KRT73: variants seen among roughly 807,000 people sequenced by gnomAD.
KRT73 encodes keratin, type II cytoskeletal 73.
In KRT73, 44 loss-of-function variants were observed where a neutral mutation model predicts 47.2. The ratio of observed to expected loss-of-function variants is 0.93; its 90% CI spans 0.73 to 1.20. The LOEUF (loss-of-function observed/expected upper bound fraction) is 1.20, where lower values mean the gene tolerates loss of function less well. KRT73 is among the 50% of genes most tolerant of loss of function. The pLI is 0.00. For synonymous variants in KRT73, 285 were observed against 291.3 expected (o/e 0.98, Z 0.22); for missense variants, 713 against 704.5 (o/e 1.01, Z -0.14).
chr12:52,608,269 C>T lies in KRT73; in HGVS notation c.1550G>A (p.Ser517Asn), dbSNP rs1296287836. 1 of 1,614,092 alleles carries T rather than the reference C, an allele frequency of 6.2e-7. No homozygotes were observed. Among genetic ancestry groups the T allele is most frequent in the Non-Finnish European group, 8.5e-7 (1 of 1,180,030 alleles). The change falls in exon 9 of 9, where the codon AGT becomes AAT. Residue 517 changes from serine (S) to asparagine (N), a missense_variant. Transcript: ENST00000305748. ...CTGGGAGTCCCTGAATTCACTTGCA[C>T]TCCCCAGCCTGGTCCTGGCTTCCCC... The part of the protein sequence containing the change: ...PRGEARTRLG[S>N]ASEFRDSQGK...
Position 52,618,237 on chromosome 12 carries a change from C to T in KRT73, c.288G>A (p.Pro96=), listed in dbSNP as rs146014393. 27 of 1,614,046 alleles carry T rather than the reference C, an allele frequency of 1.7e-5. No individual in the cohort carries two copies. Among genetic ancestry groups the T allele is most frequent in the Admixed American group, 1.3e-4 (8 of 60,012 alleles). ...FGSVALGSVC[P]SLCPPGGIHQ... is the part of the protein sequence containing the mutation. ...GGATACCCCCGGGCGGGCACAACGA[C>T]GGACACACGGACCCCAAGGCCACAC... The change falls in exon 1 of 9, where the codon CCG becomes CCA. Residue 96 remains proline, a synonymous_variant. Coordinates refer to ENST00000305748, the MANE Select transcript of KRT73 (RefSeq NM_175068.3).
chr12:52,615,265 T>C lies in KRT73; in HGVS notation c.723+14A>G, dbSNP rs767205770. The C allele has an allele frequency of 7.4e-6, 12 of 1,612,206 alleles. No homozygotes were observed. The stretch of plus-strand genomic sequence containing the variant: ...CTGCTGGGGGACTGAAGGGAACCCA[T>C]GCACCCTCCTCACCTTCTTAAGCAC... On this transcript the variant is annotated intron_variant, in intron 3 of 8. Transcript: ENST00000305748.
chr12:52,612,108 C>T (rs1940715288), intron 5 of KRT73, among the ~76,000 whole-genome samples: 1 of 152,210 alleles, frequency 6.6e-6, no homozygotes, highest in African/African-American at 2.4e-5. Flanking sequence ...AATGAGTGAG[C>T]CAATGAGCTG....
At chr12:52,623,548 G>T (rs1160907143), upstream of KRT73, among the ~76,000 whole-genome samples, 1 of 152,060 alleles carries the variant, frequency 6.6e-6, no homozygotes, top group Non-Finnish European at 1.5e-5. Flanking sequence ...GAAAAAACAT[G>T]ATAATTTTTA....
chr12:52,615,556 T>C (rs1940798271), intron 2 of KRT73, among the ~76,000 whole-genome samples: 1 of 152,194 alleles, frequency 6.6e-6, no homozygotes. Context: ...GTTTGAGGTC[T>C]GATTTCCTCT....
At chr12:52,616,402 C>T in intron 1 of KRT73, 22 bp from the exon 2 acceptor site, 1 of 1,613,608 alleles carries the variant, frequency 6.2e-7, no homozygotes, top group Non-Finnish European at 8.5e-7. Flanking sequence ...GCCACACATA[C>T]TTAAGCAATG....
At chr12:52,630,330 G>A in the KRT73 span, among the ~76,000 whole-genome samples, 15 of 152,170 alleles carry the variant, frequency 9.9e-5, no homozygotes, top group African/African-American at 3.6e-4. Context: ...CCACCTGCAC[G>A]CCTGGCCCTC....
upstream of KRT73, among the ~76,000 whole-genome samples, chr12:52,619,877 T>G (rs637276): frequency 2.0e-5 from 3 of 152,080 alleles, no homozygotes; most frequent in African/African-American, 4.8e-5. Context: ...AGTACTTGAA[T>G]GAACAGTTGG....
chr12:52,610,421 C>A (rs1940670602), intron 7 of KRT73, 194 bp downstream of exon 7: 4 of 633,932 alleles, frequency 6.3e-6, no homozygotes, highest in Non-Finnish European at 1.1e-5. Context: ...CTAAGACTTT[C>A]TCCAAAGAGT....
At chr12:52,608,490 C>T in intron 8 of KRT73, 38 bp from the exon 9 acceptor site, 1 of 1,547,122 alleles carries the variant, frequency 6.5e-7, no homozygotes, top group East Asian at 2.3e-5. Flanking sequence ...AGTGTATATC[C>T]CAGGACAGAG....
At chr12:52,626,446 T>A in the KRT73 span, among the ~76,000 whole-genome samples, 1 of 151,736 alleles carries the variant, frequency 6.6e-6, no homozygotes, top group African/African-American at 2.4e-5. Flanking sequence ...GGAGAGTTTC[T>A]TAAACTTCCT....
intron 7 of KRT73, 80 bp downstream of exon 7, chr12:52,610,529 GCCCCCT>G: frequency 1.0e-5 from 3 of 295,156 alleles, no homozygotes; most frequent in Non-Finnish European, 2.0e-5. Context: ...CCAGCTCGCC[GCCCCCT>G]CCCCCCCGCC....
At position 52,614,603 on chromosome 12, in the gene KRT73, C is replaced by T; in HGVS notation, c.795G>A (p.Lys265=). The T allele has an allele frequency of 6.2e-7, 1 of 1,613,996 alleles. No homozygotes were observed. Among genetic ancestry groups the T allele is most frequent in the South Asian group, 1.1e-5 (1 of 91,050 alleles). The change falls in exon 4 of 9, where the codon AAG becomes AAA. Residue 265 remains lysine (K), a synonymous_variant. Transcript: ENST00000305748. ...AKVDALDGEI[K]FFKCLYEGET... is the part of the protein sequence containing the mutation. ...CCCCCTCGTACAGACACTTGAAGAA[C>T]TTGATTTCTCCATCCAGGGCATCCA... is the stretch of plus-strand genomic sequence containing the variant.
At chr12:52,614,348 T>G in intron 4 of KRT73, 1 of 495,878 alleles carries the variant, frequency 2.0e-6, no homozygotes, top group South Asian at 3.1e-5. Context: ...TGGGAACCCT[T>G]TAAGGACTCT....
the KRT73 span, among the ~76,000 whole-genome samples, chr12:52,624,272 G>C: frequency 6.6e-6 from 1 of 151,962 alleles, no homozygotes; most frequent in Admixed American, 6.6e-5. Context: ...ATGAAAGACT[G>C]ATGGAACTAA....
chr12:52,625,466 T>G, the KRT73 span, among the ~76,000 whole-genome samples: 1 of 152,170 alleles, frequency 6.6e-6, no homozygotes, highest in Non-Finnish European at 1.5e-5. Flanking sequence ...ATGGCTTAAA[T>G]AAGACTTAGT....
At chr12:52,615,787 TGA>T (rs1940801779) in intron 2 of KRT73, among the ~76,000 whole-genome samples, 2 of 151,862 alleles carry the variant, frequency 1.3e-5, no homozygotes, top group African/African-American at 2.4e-5. Context: ...CGAAAGGCAA[TGA>T]GAGAGGAAGC....
chr12:52,621,950 C>G (rs945845160), upstream of KRT73, among the ~76,000 whole-genome samples: 1 of 152,210 alleles, frequency 6.6e-6, no homozygotes, highest in African/African-American at 2.4e-5. Context: ...GACTTCCACC[C>G]TCACCTGGCA....
chr12:52,628,721 G>T, the KRT73 span, among the ~76,000 whole-genome samples: 3 of 152,198 alleles, frequency 2.0e-5, no homozygotes, highest in Non-Finnish European at 4.4e-5. Context: ...AAGGGAGAAG[G>T]TGACTGACAC....
Sources: allele counts gnomAD v4.1 joint callset (sites outside exome capture counted in the v4.1 genomes callset), GRCh38; gene constraint gnomAD v4.1.1; transcripts MANE v1.5; gene names NCBI Gene and HGNC (gene_info 2026-07-23, HGNC 2026-07-21).